The following TSPAN18 variants were observed in gnomAD, a reference collection of about 807,000 sequenced individuals.
TSPAN18 encodes the protein tetraspanin-18.
In TSPAN18, 14 loss-of-function variants were observed where a neutral mutation model predicts 27.3. The ratio of observed to expected loss-of-function variants is 0.51; its 90% confidence interval spans 0.34 to 0.80. The LOEUF (loss-of-function observed/expected upper bound fraction) is 0.80, where lower values mean the gene tolerates loss of function less well. TSPAN18 is among the 30% of genes least tolerant of loss of function. TSPAN18 has a pLI of 0.01. For synonymous variants in TSPAN18, 143 were observed against 136.5 expected (o/e 1.05, Z -0.33); for missense variants, 268 against 323.9 (o/e 0.83, Z 1.32).
In TSPAN18 at chr11:44,834,563, T is replaced by G. The variant is rs1406399338; in HGVS notation, c.-152-25765T>G. Among the ~76,000 whole-genome samples the G allele has an allele frequency of 3.9e-5, 6 of 152,324 alleles. No homozygotes were observed. In the South Asian group the frequency reaches 8.3e-4, roughly 21 times the overall value. ...GCTAAATGCATTTCCCCAGCACCCT[T>G]TCTTCCATTTTCTCACTTCTCTAGG... On this transcript the variant is annotated intron_variant, in intron 2 of 9. Transcript: ENST00000520358.
chr11:44,925,710 C>G (rs1001897978), intron 8 of TSPAN18: 18 of 152,248 alleles, frequency 1.2e-4, no homozygotes, highest in African/African-American at 4.3e-4. Context: ...GATTTGTTCC[C>G]TTGCAGGTTC....
chr11:44,790,117 G>A (rs545289196), intron 2 of TSPAN18, among the ~76,000 whole-genome samples: 18 of 152,156 alleles, frequency 1.2e-4, no homozygotes, highest in Admixed American at 2.0e-4. Context: ...GGCTCTAAGG[G>A]GTGTGACTGC....
intron 1 of TSPAN18, among the ~76,000 whole-genome samples, chr11:44,735,175 G>A (rs1480471548): frequency 2.0e-5 from 3 of 152,188 alleles, no homozygotes; most frequent in South Asian, 2.1e-4. Context: ...ACTCAGGCAC[G>A]GAGGCCAGGG....
intron 2 of TSPAN18, among the ~76,000 whole-genome samples, chr11:44,839,237 A>T (rs1377350363): frequency 6.6e-6 from 1 of 152,152 alleles, no homozygotes; most frequent in African/African-American, 2.4e-5. Flanking sequence ...TTTCACCTTG[A>T]TGCAGTGGAA....
At chr11:44,824,527 C>A (rs1048944555) in intron 2 of TSPAN18, among the ~76,000 whole-genome samples, 2 of 152,324 alleles carry the variant, frequency 1.3e-5, no homozygotes, top group Non-Finnish European at 2.9e-5. Context: ...ACCTCTGGGG[C>A]AGTCAGGGCC....
intron 2 of TSPAN18, among the ~76,000 whole-genome samples, chr11:44,782,058 T>C (rs960453015): frequency 1.3e-5 from 2 of 152,248 alleles, no homozygotes; most frequent in African/African-American, 4.8e-5. Flanking sequence ...GTCCATCTTA[T>C]GTATATATAG....
chr11:44,843,331 GT>G (rs975210756), intron 2 of TSPAN18, among the ~76,000 whole-genome samples: 1 of 152,136 alleles, frequency 6.6e-6, no homozygotes, highest in Non-Finnish European at 1.5e-5. Flanking sequence ...AAACCAGCAA[GT>G]TTTTATTAGG....
chr11:44,791,088 C>T (rs1347657394), intron 2 of TSPAN18, among the ~76,000 whole-genome samples: 1 of 152,206 alleles, frequency 6.6e-6, no homozygotes, highest in African/African-American at 2.4e-5. Flanking sequence ...CTGCTGCTGT[C>T]TCAAGTCTGG....
chr11:44,912,433 T>G (rs1590678900), intron 5 of TSPAN18, among the ~76,000 whole-genome samples: 5 of 151,514 alleles, frequency 3.3e-5, no homozygotes, highest in African/African-American at 1.2e-4. Context: ...TGCCCTCCCC[T>G]CTCTAGGGCC....
intron 2 of TSPAN18, among the ~76,000 whole-genome samples, chr11:44,851,624 C>CA (rs1554991761): frequency 1.3e-5 from 2 of 148,470 alleles, no homozygotes; most frequent in Non-Finnish European, 3.0e-5. Context: ...CTCCCCCCCC[C>CA]AACGGCTGGG....
At chr11:44,750,039 A>G (rs906982343) in intron 1 of TSPAN18, among the ~76,000 whole-genome samples, 4 of 152,142 alleles carry the variant, frequency 2.6e-5, no homozygotes, top group Non-Finnish European at 4.4e-5. Flanking sequence ...TCACTTTGAT[A>G]TCTCCTAGGG....
intron 2 of TSPAN18, among the ~76,000 whole-genome samples, chr11:44,786,296 TTCCTTTCTG>T (rs1856055821): frequency 6.6e-6 from 1 of 152,228 alleles, no homozygotes. Flanking sequence ...CAGCAGGAGC[TTCCTTTCTG>T]TCCTGTGGGC....
chr11:44,762,884 A>G (rs555995411), intron 1 of TSPAN18, among the ~76,000 whole-genome samples: 15 of 152,220 alleles, frequency 9.9e-5, no homozygotes, highest in African/African-American at 3.6e-4. Flanking sequence ...GTAGACCTCG[A>G]ACTCATCACC....
intron 1 of TSPAN18, among the ~76,000 whole-genome samples, chr11:44,735,621 C>CTT (rs797010014): frequency 0.027 from 3,750 of 140,542 alleles, 68 homozygotes; most frequent in Non-Finnish European, 0.043. Flanking sequence ...ATGACCTCCT[C>CTT]TTTTTTTTTT....
intron 3 of TSPAN18, among the ~76,000 whole-genome samples, chr11:44,905,673 G>T (rs890178470): frequency 1.8e-4 from 28 of 152,362 alleles, no homozygotes; most frequent in Middle Eastern, 3.4e-3. Flanking sequence ...GCAAGCAGCG[G>T]ATGCTCAATC....
chr11:44,904,884 T>C (rs984611773), intron 3 of TSPAN18, among the ~76,000 whole-genome samples: 6 of 152,296 alleles, frequency 3.9e-5, no homozygotes, highest in African/African-American at 1.4e-4. Flanking sequence ...TCCTACAAGC[T>C]GTGTGGCCTT....
At chr11:44,876,788 T>C (rs1185246978) in intron 3 of TSPAN18, among the ~76,000 whole-genome samples, 3 of 152,208 alleles carry the variant, frequency 2.0e-5, no homozygotes, top group Admixed American at 2.0e-4. Flanking sequence ...CTGCTTCAGC[T>C]TTTTTTAACA....
At chr11:44,917,777 C>T in intron 5 of TSPAN18, 195 bp from the exon 6 acceptor site, 1 of 597,158 alleles carries the variant, frequency 1.7e-6, no homozygotes, top group Non-Finnish European at 3.0e-6. Flanking sequence ...ATATTTTGAT[C>T]TCAATCCTGT....
intron 5 of TSPAN18, among the ~76,000 whole-genome samples, chr11:44,912,952 G>T (rs1564999925): frequency 1.3e-5 from 2 of 151,764 alleles, no homozygotes; most frequent in Non-Finnish European, 2.9e-5. Flanking sequence ...GGTTCTGTGA[G>T]TGTTTCCAGA....
Sources: allele counts gnomAD v4.1 joint callset (sites outside exome capture counted in the v4.1 genomes callset), GRCh38; gene constraint gnomAD v4.1.1; transcripts MANE v1.5; gene names NCBI Gene and HGNC (gene_info 2026-07-23, HGNC 2026-07-21).